The following ARSF variants were observed in gnomAD, a reference collection of about 807,000 sequenced individuals.
ARSF encodes arylsulfatase F.
A neutral mutation model predicts 35.4 loss-of-function variants in ARSF; 33 were observed. The observed-to-expected ratio is 0.93, with a 90% CI of 0.71 to 1.25. ARSF has a LOEUF of 1.25. ARSF is among the 50% of genes most tolerant of loss of function. The pLI, the probability that ARSF is intolerant of heterozygous loss-of-function variation, is 0.00. For missense variants in ARSF, 501 were observed against 480.2 expected, an observed-to-expected ratio of 1.04 and a Z score of -0.40; for synonymous variants, 222 against 193.1, an observed-to-expected ratio of 1.15 and a Z score of -1.24.
intron 7 of ARSF, among the ~76,000 whole-genome samples, chrX:3,098,132 A>G (rs1365974950): frequency 1.9e-5 from 2 of 103,825 alleles, no homozygotes; most frequent in African/African-American, 7.1e-5. Context: ...TAATTTTTTA[A>G]ATTTATTTTT....
In ARSF at chrX:3,106,324, A is replaced by G. The variant is rs141914465; in HGVS notation, c.1265+2400A>G. On this transcript the variant is annotated intron_variant, in intron 9 of 10. Coordinates refer to ENST00000381127, the MANE Select transcript of ARSF (RefSeq NM_001201539.2). ...TACTCATCAGGTTGATTTTTTGGTT[A>G]TTCCTATGCTTGGTTCTCCCAAGCC... 5.4e-3 allele frequency among the ~76,000 whole-genome samples: 608 copies of G among 112,159 alleles called. 5 individuals are homozygous for G. The highest frequency in any genetic ancestry group is 0.019 in the African/African-American group (582 of 30,891).
intron 8 of ARSF, 98 bp from the exon 9 acceptor site, chrX:3,103,664 G>A (rs947812278): frequency 5.6e-5 from 57 of 1,009,988 alleles, no homozygotes; most frequent in Middle Eastern, 5.3e-4. Flanking sequence ...CTATACAAAT[G>A]TGATCTCTTT....
intron 1 of ARSF, among the ~76,000 whole-genome samples, chrX:3,052,644 G>GATCAC (rs2090001172): frequency 9.7e-6 from 1 of 102,821 alleles, no homozygotes; most frequent in Non-Finnish European, 2.0e-5. Context: ...AGTGAGCTGT[G>GATCAC]ATCACACCAC....
chrX:3,067,177 G>T (rs752516115), intron 1 of ARSF, among the ~76,000 whole-genome samples: 2 of 108,018 alleles, frequency 1.9e-5, no homozygotes, highest in Admixed American at 2.0e-4. Flanking sequence ...TGTCTGTGTA[G>T]TGTGTATAGT....
chrX:3,093,373 T>C (rs1569144806), intron 7 of ARSF, among the ~76,000 whole-genome samples: 2 of 111,640 alleles, frequency 1.8e-5, no homozygotes, highest in South Asian at 3.8e-4. Context: ...GGAGCGAGCA[T>C]GGCAACCAAT....
At chrX:3,077,819 T>TTATTATTATTA (rs1569138572) in intron 4 of ARSF, among the ~76,000 whole-genome samples, 2 of 23,724 alleles carry the variant, frequency 8.4e-5, no homozygotes, top group Admixed American at 5.4e-4. Context: ...TATTATTATT[T>TTATTATTATTA]TTGAAATGGA....
chrX:3,083,492 A>G (rs927965022), intron 5 of ARSF, among the ~76,000 whole-genome samples: 2 of 43,167 alleles, frequency 4.6e-5, no homozygotes, highest in African/African-American at 1.1e-4. Flanking sequence ...CTATCTATCT[A>G]TCTATCTATC....
At chrX:3,049,891 G>A (rs1260396774) in intron 1 of ARSF, among the ~76,000 whole-genome samples, 1 of 109,874 alleles carries the variant, frequency 9.1e-6, no homozygotes, top group Admixed American at 9.9e-5. Flanking sequence ...ATGGAGTTTC[G>A]CTCTTGTTGC....
chrX:3,102,204 G>T (rs901531926), intron 8 of ARSF, among the ~76,000 whole-genome samples: 1 of 111,643 alleles, frequency 9.0e-6, no homozygotes, highest in Admixed American at 9.5e-5. Flanking sequence ...CTTTAGTGGT[G>T]ATTTCTGAGA....
chrX:3,062,635 C>A (rs1208956563), intron 1 of ARSF, among the ~76,000 whole-genome samples: 6 of 111,306 alleles, frequency 5.4e-5, no homozygotes, highest in African/African-American at 2.0e-4. Context: ...ACCACCAATC[C>A]CACAGAAATA....
intron 7 of ARSF, among the ~76,000 whole-genome samples, chrX:3,092,927 C>G (rs1161048699): frequency 1.8e-5 from 2 of 112,165 alleles, no homozygotes; most frequent in African/African-American, 6.5e-5. Context: ...AATCCCAGCA[C>G]TTTGGGAGGC....
At position 3,112,247 on chromosome X, in the gene ARSF, C is replaced by G. The variant is rs749470277; in HGVS notation, c.1464C>G (p.Thr488=). Reference sequence around the variant, plus strand: ...CAGCTTCTGGTGGCTGCTATGTCACCTCATTATGCAGATGTTTCGGAGAAC... The same window carrying G: ...CAGCTTCTGGTGGCTGCTATGTCACGTCATTATGCAGATGTTTCGGAGAAC... ...QPPASGGCYV[T]SLCRCFGEQV... Residue 488 remains threonine, a synonymous_variant, in exon 11 of 11, where the codon ACC becomes ACG. Coordinates refer to ENST00000381127, the MANE Select transcript of ARSF (RefSeq NM_001201539.2). 4 of 1,208,462 alleles carry G rather than the reference C, an allele frequency of 3.3e-6. No homozygotes were observed. In the African/African-American group the frequency reaches 7.0e-5, roughly 21 times the overall value.
At chrX:3,070,759 A>G (rs1260911967) in intron 2 of ARSF, among the ~76,000 whole-genome samples, 2 of 110,801 alleles carry the variant, frequency 1.8e-5, no homozygotes, top group East Asian at 5.7e-4. Context: ...CCCAAAGTCC[A>G]TTGCGTCATT....
intron 7 of ARSF, among the ~76,000 whole-genome samples, chrX:3,100,184 A>T (rs1459458514): frequency 8.9e-6 from 1 of 112,371 alleles, no homozygotes; most frequent in Admixed American, 9.5e-5. Flanking sequence ...TAAAATATCA[A>T]ATAAGAAGGG....
chrX:3,102,014 G>A (rs1480520221), intron 8 of ARSF, among the ~76,000 whole-genome samples: 3 of 111,516 alleles, frequency 2.7e-5, no homozygotes, highest in Non-Finnish European at 5.7e-5. Context: ...TGAGGTAAAG[G>A]CTCTGCCTCC....
At chrX:3,071,309 G>C (rs1603464335) in intron 2 of ARSF, among the ~76,000 whole-genome samples, 1 of 110,760 alleles carries the variant, frequency 9.0e-6, no homozygotes, top group Middle Eastern at 4.6e-3. Flanking sequence ...TGTTGTTGTT[G>C]TTGTTGTTGT....
At chrX:3,099,648 C>A (rs1331495432) in intron 7 of ARSF, among the ~76,000 whole-genome samples, 1 of 111,347 alleles carries the variant, frequency 9.0e-6, no homozygotes, top group Non-Finnish European at 1.9e-5. Flanking sequence ...TTCCAGTTTT[C>A]TCCACTGTAA....
intron 1 of ARSF, chrX:3,058,531 G>A: frequency 6.6e-6 from 2 of 302,726 alleles, no homozygotes; most frequent in East Asian, 2.1e-4. Flanking sequence ...ACATAAAAGG[G>A]AGTCAGAAAA....
Position 3,080,472 on chromosome X carries a change from C to CAA in ARSF, c.284-407_284-406dup, listed in dbSNP as rs748367193. Among the ~76,000 whole-genome samples the CAA allele has an allele frequency of 5.2e-3, 488 of 93,637 alleles. 4 individuals are homozygous for CAA. Among genetic ancestry groups the CAA allele is most frequent in the African/African-American group, 0.013 (335 of 25,537 alleles). The allele number at this position is 93,637 out of a possible 115,157, so 81.3% of individuals were successfully genotyped here. A position where few individuals can be genotyped will look rare whatever the true frequency, so the allele number is the denominator to read the frequency against. ...CTGGTGACAAAGCGAGACTTCATCTCAAAAAAAAAAAAAGATCTTTTCTTA... is the reference window on the plus strand; with the variant it reads ...CTGGTGACAAAGCGAGACTTCATCTCAAAAAAAAAAAAAAAGATCTTTTCTTA... On this transcript the variant is annotated intron_variant, in intron 4 of 10. Coordinates refer to ENST00000381127, the MANE Select transcript of ARSF (RefSeq NM_001201539.2).
Sources: gnomAD v4.1 joint callset for allele counts (sites outside exome capture counted in the v4.1 genomes callset) on GRCh38, gnomAD v4.1.1 for gene constraint, MANE v1.5 for transcripts, NCBI Gene and HGNC (gene_info 2026-07-23, HGNC 2026-07-21) for gene names.